The following CEP83 variants were observed in gnomAD, a reference collection of about 807,000 sequenced individuals.
The protein encoded by CEP83 is centrosomal protein of 83 kDa.
CEP83 carries 70 observed loss-of-function variants against 101.9 expected under a neutral mutation model. The observed-to-expected ratio is 0.69, with a 90% CI of 0.57 to 0.84. The LOEUF (loss-of-function observed/expected upper bound fraction) is 0.84, where lower values mean the gene tolerates loss of function less well. Ranked by LOEUF, CEP83 falls within the 40% of genes least tolerant of loss-of-function variation. The probability of loss-of-function intolerance (pLI) is 0.00; values close to 1 mark genes in which losing one functional copy is unlikely to be tolerated. For missense variants in CEP83, 715 were observed against 787.2 expected (o/e 0.91, Z 1.10); for synonymous variants, 264 against 267.9 (o/e 0.99, Z 0.14).
chr12:94,286,413 T>C, the CEP83 span, among the ~76,000 whole-genome samples: 2 of 152,114 alleles, frequency 1.3e-5, no homozygotes, highest in African/African-American at 4.8e-5. Flanking sequence ...CCTACATCTA[T>C]ATTTGATTAA....
intron 11 of CEP83, among the ~76,000 whole-genome samples, chr12:94,345,963 C>A (rs1195683805): frequency 6.6e-6 from 1 of 152,164 alleles, no homozygotes; most frequent in East Asian, 1.9e-4. Flanking sequence ...AAGAACTCAC[C>A]CATGTGCTAG....
the CEP83 span, among the ~76,000 whole-genome samples, chr12:94,285,827 C>T: frequency 6.6e-6 from 1 of 152,158 alleles, no homozygotes; most frequent in Non-Finnish European, 1.5e-5. Context: ...GACACAGACT[C>T]CAAGGCCCTC....
chr12:94,317,083 TCTG>T (rs1234305728), intron 14 of CEP83, among the ~76,000 whole-genome samples: 9 of 152,124 alleles, frequency 5.9e-5, no homozygotes, highest in African/African-American at 1.7e-4. Flanking sequence ...CTCGCCAGAA[TCTG>T]CTATTTTTTT....
At chr12:94,372,716 T>C (rs2061359288) in intron 8 of CEP83, among the ~76,000 whole-genome samples, 1 of 152,208 alleles carries the variant, frequency 6.6e-6, no homozygotes, top group South Asian at 2.1e-4. Context: ...ACTACAATTA[T>C]TGAAACTGAA....
chr12:94,410,633 T>A (rs1189817500), intron 4 of CEP83, among the ~76,000 whole-genome samples: 3 of 152,198 alleles, frequency 2.0e-5, no homozygotes, highest in African/African-American at 7.2e-5. Flanking sequence ...GAAGAATCTC[T>A]CAAATATCTT....
intron 1 of CEP83, among the ~76,000 whole-genome samples, chr12:94,450,767 TTAAG>T (rs1403162239): frequency 6.6e-6 from 1 of 152,254 alleles, no homozygotes; most frequent in Non-Finnish European, 1.5e-5. Context: ...CTCAAGATGG[TTAAG>T]TTAGTGATTC....
the CEP83 span, among the ~76,000 whole-genome samples, chr12:94,300,526 G>A: frequency 1.3e-5 from 2 of 152,204 alleles, no homozygotes; most frequent in Non-Finnish European, 2.9e-5. Context: ...GAGATGGAGA[G>A]CCTCAGAGGG....
At chr12:94,399,495 A>G (rs1212429318) in intron 6 of CEP83, among the ~76,000 whole-genome samples, 1 of 152,208 alleles carries the variant, frequency 6.6e-6, no homozygotes, top group Non-Finnish European at 1.5e-5. Context: ...GGATCACTTG[A>G]GGCCAGTAGT....
the CEP83 span, among the ~76,000 whole-genome samples, chr12:94,271,574 C>T: frequency 6.6e-6 from 1 of 152,230 alleles, no homozygotes; most frequent in African/African-American, 2.4e-5. Context: ...TGAATCTGGG[C>T]TCAGCCACTT....
At position 94,368,067 on chromosome 12, in the gene CEP83, G is replaced by T; in HGVS notation, c.1183C>A (p.Gln395Lys). Residue 395 changes from glutamine to lysine, a missense_variant, in exon 10 of 17, where the codon CAA (glutamine) becomes AAA (lysine). Physicochemically the swap from Gln to Lys is moderately conservative, Grantham distance 53 (BLOSUM62 1). Coordinates refer to ENST00000397809, the MANE Select transcript of CEP83 (RefSeq NM_016122.3). ...TAATTAAGTACTTACTTTTCATCTT[G>T]TAATACCACAAGTTTTTGATAACCT... ...EEGYQKLVVL[Q>K]DEKLELENRL... 1 of 1,612,562 alleles carries T rather than the reference G, an allele frequency of 6.2e-7. No individual in the cohort carries two copies. Among genetic ancestry groups the T allele is most frequent in the Non-Finnish European group, 8.5e-7 (1 of 1,179,292 alleles).
chr12:94,450,765 G>A (rs1282930060), intron 1 of CEP83, among the ~76,000 whole-genome samples: 2 of 152,140 alleles, frequency 1.3e-5, no homozygotes, highest in Non-Finnish European at 2.9e-5. Context: ...GACTCAAGAT[G>A]GTTAAGTTAG....
At chr12:94,326,508 T>C (rs1333230776) in intron 14 of CEP83, among the ~76,000 whole-genome samples, 1 of 152,140 alleles carries the variant, frequency 6.6e-6, no homozygotes, top group Non-Finnish European at 1.5e-5. Flanking sequence ...AGTTTCAGAA[T>C]TGAATTTTTG....
intron 1 of CEP83, among the ~76,000 whole-genome samples, chr12:94,445,897 C>T (rs936487190): frequency 1.3e-5 from 2 of 152,132 alleles, no homozygotes; most frequent in Admixed American, 6.5e-5. Context: ...AGGCTCTAGC[C>T]ACCAGAAAGC....
intron 11 of CEP83, among the ~76,000 whole-genome samples, chr12:94,348,415 G>C (rs2060041235): frequency 6.6e-6 from 1 of 152,110 alleles, no homozygotes; most frequent in African/African-American, 2.4e-5. Context: ...GAAAAAGCTA[G>C]ATAAGTGGGT....
At chr12:94,292,947 A>G in the CEP83 span, among the ~76,000 whole-genome samples, 4 of 152,212 alleles carry the variant, frequency 2.6e-5, no homozygotes, top group Non-Finnish European at 4.4e-5. Context: ...ATATCCTGAA[A>G]CTACCACCCA....
the CEP83 span, among the ~76,000 whole-genome samples, chr12:94,269,448 T>C: frequency 6.6e-6 from 1 of 152,230 alleles, no homozygotes; most frequent in African/African-American, 2.4e-5. Flanking sequence ...TAATAAAATA[T>C]CTCATATACA....
intron 2 of CEP83, among the ~76,000 whole-genome samples, chr12:94,421,613 C>T (rs1210707293): frequency 1.3e-5 from 2 of 152,152 alleles, no homozygotes; most frequent in Non-Finnish European, 2.9e-5. Flanking sequence ...ATGAAATGCA[C>T]AAATATTATC....
chr12:94,301,062 GGCC>G, the CEP83 span: 2 of 1,613,154 alleles, frequency 1.2e-6, no homozygotes, highest in Non-Finnish European at 1.7e-6. Flanking sequence ...GGGAAGGTAA[GGCC>G]CAGCTTGAGT....
intron 11 of CEP83, among the ~76,000 whole-genome samples, chr12:94,362,532 G>A (rs2060821982): frequency 6.6e-6 from 1 of 152,142 alleles, no homozygotes; most frequent in South Asian, 2.1e-4. Context: ...AGCTGCTCAG[G>A]AGGCTGAGGC....
Sources: allele counts gnomAD v4.1 joint callset (sites outside exome capture counted in the v4.1 genomes callset), GRCh38; gene constraint gnomAD v4.1.1; transcripts MANE v1.5; gene names NCBI Gene and HGNC (gene_info 2026-07-23, HGNC 2026-07-21).